Variants in PCBP3 observed in about 807,000 individuals in gnomAD.
The protein encoded by PCBP3 is poly(rC)-binding protein 3.
PCBP3 carries 25 observed loss-of-function variants against 52.7 expected under a neutral mutation model. The ratio of observed to expected loss-of-function variants is 0.47; its 90% CI spans 0.35 to 0.66. The LOEUF (loss-of-function observed/expected upper bound fraction) is 0.66. PCBP3 is among the 30% of genes least tolerant of loss of function. The probability of loss-of-function intolerance (pLI) is 0.01; values close to 1 mark genes in which losing one functional copy is unlikely to be tolerated. For synonymous variants in PCBP3, 162 were observed against 183.0 expected, an observed-to-expected ratio of 0.89 and a Z score of 0.93; for missense variants, 391 against 490.3, an observed-to-expected ratio of 0.80 and a Z score of 1.91.
In PCBP3 at chr21:45,804,505, G is replaced by C. The variant is rs1603435433; in HGVS notation, c.-125-45456G>C. 3.9e-5 allele frequency among the ~76,000 whole-genome samples: 6 copies of C among 152,208 alleles called. No homozygotes were observed. In the South Asian group the frequency reaches 1.2e-3, roughly 32 times the overall value. ...GAGCTTACTGAAGATCCTAGTCTTG[G>C]GGGAGATGTTTGGTGAAAATGTGTG... On this transcript the variant is annotated intron_variant, in intron 4 of 17. Transcript: ENST00000681687.
In PCBP3 at chr21:45,788,602, C is replaced by T. The variant is rs2146305104; in HGVS notation, c.-126+33150C>T. The stretch of plus-strand genomic sequence containing the variant: ...TGGTTGCTCCCTTTGCTTGACCGTT[C>T]TCTTGAGGTTCTTAACCCTGAACTG... On this transcript the variant is annotated intron_variant, in intron 4 of 17. Transcript: ENST00000681687. The surrounding 1 kb of genome is among the most constrained non-coding windows in gnomAD (Gnocchi z 4.3). 1 of 152,462 alleles carries T rather than the reference C, an allele frequency of 6.6e-6. No homozygotes were observed. Among genetic ancestry groups the T allele is most frequent in the South Asian group, 2.1e-4 (1 of 4,826 alleles). The allele number at this position is 152,462 out of a possible 1,614,324, so 9.4% of individuals were successfully genotyped here.
rs1296445261 is a variant in PCBP3, at chr21:45,880,295, G to A, written c.11-15913G>A. ...GCCCTGGGCCTCGGAGGGGAGGGGA[G>A]CGCCTGGGGCGCCGCGGTCCTGACC... On this transcript the variant is annotated intron_variant, in intron 5 of 17. Coordinates refer to ENST00000681687, the MANE Select transcript of PCBP3 (RefSeq NM_001384156.1). The surrounding 1 kb of genome is among the most constrained non-coding windows in gnomAD (Gnocchi z 5.4). 6.6e-6 allele frequency among the ~76,000 whole-genome samples: 1 copy of A among 152,182 alleles called. No homozygotes were observed. The highest frequency in any genetic ancestry group is 2.4e-5 in the African/African-American group (1 of 41,448).
rs2092324849 is a variant in PCBP3, at chr21:45,802,047, G to T, written c.-126+46595G>T. Among the ~76,000 whole-genome samples the T allele has an allele frequency of 2.0e-5, 3 of 152,172 alleles. No individual in the cohort carries two copies. Among genetic ancestry groups the T allele is most frequent in the African/African-American group, 7.2e-5 (3 of 41,436 alleles). ...CGGGGTCTCCCCTCCTCTTCCTTGA[G>T]GGCATCGTCATGATTCAGCAGTGAC... On this transcript the variant is annotated intron_variant, in intron 4 of 17. Transcript: ENST00000681687. This position sits in a 1 kb window ranked among gnomAD's most constrained non-coding sequence, Gnocchi z 5.1.
At chr21:45,764,559 C>T (rs2089103731) in intron 4 of PCBP3, among the ~76,000 whole-genome samples, 2 of 152,328 alleles carry the variant, frequency 1.3e-5, no homozygotes, top group African/African-American at 4.8e-5. Context: ...TGCTGCCCAC[C>T]ATGGAGCCTC....
chr21:45,714,568 A>G (rs2084084708), intron 2 of PCBP3, among the ~76,000 whole-genome samples: 1 of 152,248 alleles, frequency 6.6e-6, no homozygotes, highest in Non-Finnish European at 1.5e-5. Flanking sequence ...AGGGATTAAT[A>G]TCAAAGATCT....
chr21:45,699,846 G>T (rs2147945023), intron 2 of PCBP3, among the ~76,000 whole-genome samples: 1 of 152,332 alleles, frequency 6.6e-6, no homozygotes, highest in South Asian at 2.1e-4. Context: ...CCCACAACAT[G>T]TGGGAGTTTC....
intron 1 of PCBP3, among the ~76,000 whole-genome samples, chr21:45,649,349 G>C (rs1194941392): frequency 1.3e-5 from 2 of 152,138 alleles, no homozygotes; most frequent in Non-Finnish European, 2.9e-5. Context: ...GATGAGATTT[G>C]GTTGGGGACA....
In PCBP3 at chr21:45,813,598, C is replaced by T. The variant is rs552075042; in HGVS notation, c.-125-36363C>T. On this transcript the variant is annotated intron_variant, in intron 4 of 17. Transcript: ENST00000681687. ...CTGGGATTACAGGCATGCGCCACAACGCCCGGCTATTTTTTGTATTTTTTA... is the reference window on the plus strand; with the variant it reads ...CTGGGATTACAGGCATGCGCCACAATGCCCGGCTATTTTTTGTATTTTTTA... 2.2e-4 allele frequency among the ~76,000 whole-genome samples: 33 copies of T among 152,294 alleles called. 1 individual carries two copies. Among genetic ancestry groups the T allele is most frequent in the East Asian group, 7.7e-4 (4 of 5,180 alleles).
chr21:45,709,357 G>C (rs964174968), intron 2 of PCBP3, among the ~76,000 whole-genome samples: 1 of 152,130 alleles, frequency 6.6e-6, no homozygotes, highest in East Asian at 1.9e-4. Context: ...TAGATACATG[G>C]CATCTAACTG....
At chr21:45,934,577 T>C (rs2076678349) in intron 15 of PCBP3, among the ~76,000 whole-genome samples, 1 of 152,220 alleles carries the variant, frequency 6.6e-6, no homozygotes, top group South Asian at 2.1e-4. Flanking sequence ...CATTTTTGGC[T>C]CAGTGATGCC....
rs192634131 is a variant in PCBP3, at chr21:45,840,181, G to A, written c.-125-9780G>A. Among the ~76,000 whole-genome samples, 305 of 151,828 alleles carry A rather than the reference G, an allele frequency of 2.0e-3. 3 individuals are homozygous for A. Among genetic ancestry groups the A allele is most frequent in the African/African-American group, 6.8e-3 (281 of 41,438 alleles). ...AAAAATGTTACAGTAGGCTGGGCAC[G>A]GTGGCTCACTCCTGTAATCCCAGCA... On this transcript the variant is annotated intron_variant, in intron 4 of 17. Transcript: ENST00000681687.
At chr21:45,723,734 G>T (rs548176841) in intron 2 of PCBP3, among the ~76,000 whole-genome samples, 8 of 152,322 alleles carry the variant, frequency 5.3e-5, no homozygotes, top group African/African-American at 1.9e-4. Flanking sequence ...CAACACGCAG[G>T]TTGGATGCCA....
chr21:45,690,604 C>G (rs2082403413), intron 2 of PCBP3, among the ~76,000 whole-genome samples: 1 of 151,902 alleles, frequency 6.6e-6, no homozygotes, highest in Non-Finnish European at 1.5e-5. Context: ...ATACAAAGAA[C>G]TTTTGCAGCT....
intron 2 of PCBP3, among the ~76,000 whole-genome samples, chr21:45,679,687 C>T (rs1460273542): frequency 6.6e-6 from 1 of 152,118 alleles, no homozygotes; most frequent in Admixed American, 6.5e-5. Flanking sequence ...GCTCTTAATC[C>T]TCTTAATCAG....
At chr21:45,834,243 C>T (rs1375440657) in intron 4 of PCBP3, among the ~76,000 whole-genome samples, 1 of 152,234 alleles carries the variant, frequency 6.6e-6, no homozygotes, top group Non-Finnish European at 1.5e-5. Context: ...GCCTGGAGCC[C>T]GGCTGGCAGC....
Position 45,917,754 on chromosome 21 carries a change from C to G in PCBP3, c.717+125C>G. On this transcript the variant is annotated intron_variant, in intron 13 of 17. Coordinates refer to ENST00000681687, the MANE Select transcript of PCBP3 (RefSeq NM_001384156.1). The surrounding 1 kb of genome is among the most constrained non-coding windows in gnomAD (Gnocchi z 5.3). Reference sequence around the variant, plus strand: ...TAATATTAATCAACTTCTCAGCGTTCCTGACCTGTGTCGTATCCATATGAC... The same window carrying G: ...TAATATTAATCAACTTCTCAGCGTTGCTGACCTGTGTCGTATCCATATGAC... The G allele has an allele frequency of 1.2e-6, 1 of 839,242 alleles. No individual in the cohort carries two copies. The highest frequency in any genetic ancestry group is 2.0e-6 in the Non-Finnish European group (1 of 487,994). 52.0% of individuals were successfully genotyped at this position (839,242 alleles called of 1,614,324 possible).
chr21:45,838,091 C>T (rs887468679), intron 4 of PCBP3, among the ~76,000 whole-genome samples: 10 of 152,210 alleles, frequency 6.6e-5, no homozygotes, highest in East Asian at 3.8e-4. Context: ...GTTCTCACTG[C>T]GATGAGTTGG....
Position 45,900,571 on chromosome 21 carries a change from T to C in PCBP3, c.190-20T>C. 6.2e-7 allele frequency: 1 copy of C among 1,607,542 alleles called. No individual in the cohort carries two copies. Among genetic ancestry groups the C allele is most frequent in the East Asian group, 2.2e-5 (1 of 44,814 alleles). On this transcript the variant is annotated intron_variant, in intron 7 of 17. Transcript: ENST00000681687. ...AGCCAGAGGGATACCTTTTCCTTAT[T>C]GTCTAAATCTTTATTCCAGAAAGGA... is the stretch of plus-strand genomic sequence containing the variant.
chr21:45,745,888 A>G (rs1569175440), intron 3 of PCBP3, among the ~76,000 whole-genome samples: 1 of 152,044 alleles, frequency 6.6e-6, no homozygotes, highest in African/African-American at 2.4e-5. Context: ...GAAGGCAGAC[A>G]GCGCCACACG....
Sources: gnomAD v4.1 joint callset for allele counts (sites outside exome capture counted in the v4.1 genomes callset) on GRCh38, gnomAD v4.1.1 for gene constraint, Gnocchi (gnomAD v3.1) non-coding constraint, MANE v1.5 for transcripts, NCBI Gene and HGNC (gene_info 2026-07-23, HGNC 2026-07-21) for gene names.